FYB1: variants seen among roughly 807,000 people sequenced by gnomAD.
FYB1 encodes the protein FYN binding protein 1.
FYB1 carries 41 observed loss-of-function variants against 94.1 expected under a neutral mutation model. That is an observed-to-expected ratio of 0.44 (90% confidence interval 0.34 to 0.57). FYB1 has a LOEUF of 0.57. Ranked by LOEUF, FYB1 falls within the 20% of genes least tolerant of loss-of-function variation. FYB1 has a pLI of 0.02. For missense variants in FYB1, 1,050 were observed against 976.8 expected (o/e 1.07, Z -1.00); for synonymous variants, 367 against 353.2 (o/e 1.04, Z -0.44).
At chr5:39,143,164 A>C (rs1224199421) in intron 3 of FYB1, among the ~76,000 whole-genome samples, 1 of 152,142 alleles carries the variant, frequency 6.6e-6, no homozygotes, top group Non-Finnish European at 1.5e-5. Context: ...TCCGATTCAA[A>C]TATATACATC....
In FYB1 at chr5:39,134,794, G is replaced by A. The variant is rs1027395218; in HGVS notation, c.1675+61C>T. 67 of 1,560,282 alleles carry A rather than the reference G, an allele frequency of 4.3e-5. No homozygotes were observed. In the Middle Eastern group the frequency reaches 5.0e-4, roughly 12 times the overall value. On this transcript the variant is annotated intron_variant, in intron 8 of 18. Coordinates refer to ENST00000512982, the MANE Select transcript of FYB1 (RefSeq NM_001465.6). ...CCTATGACGAGTTCTGGAGGAATAT[G>A]TACATTGAATATTGCCTCGCAAAGA...
intron 9 of FYB1, among the ~76,000 whole-genome samples, chr5:39,133,941 T>A (rs886780513): frequency 7.2e-5 from 11 of 152,218 alleles, no homozygotes; most frequent in African/African-American, 2.7e-4. Context: ...ATGAACATTA[T>A]AAAAGTGTTT....
chr5:39,188,036 A>G (rs1361219425), intron 2 of FYB1, among the ~76,000 whole-genome samples: 1 of 152,100 alleles, frequency 6.6e-6, no homozygotes, highest in Non-Finnish European at 1.5e-5. Context: ...TGTGGGTAGA[A>G]CACGTCACCA....
intron 1 of FYB1, among the ~76,000 whole-genome samples, chr5:39,225,408 C>T (rs1340873843): frequency 6.6e-6 from 1 of 152,100 alleles, no homozygotes; most frequent in East Asian, 1.9e-4. Flanking sequence ...AAAGACTTTC[C>T]CAATCAGATA....
chr5:39,184,870 G>C (rs1374256264), intron 2 of FYB1, among the ~76,000 whole-genome samples: 1 of 151,998 alleles, frequency 6.6e-6, no homozygotes, highest in Non-Finnish European at 1.5e-5. Flanking sequence ...TTCTAACTTA[G>C]TTATACAATT....
chr5:39,190,791 TGAGA>T (rs1243631579), intron 2 of FYB1, among the ~76,000 whole-genome samples: 1 of 150,656 alleles, frequency 6.6e-6, no homozygotes, highest in African/African-American at 2.4e-5. Flanking sequence ...TGTGTGTGTG[TGAGA>T]GAGAGATGTT....
At chr5:39,131,906 G>A (rs1472845894) in intron 9 of FYB1, among the ~76,000 whole-genome samples, 1 of 152,138 alleles carries the variant, frequency 6.6e-6, no homozygotes, top group Admixed American at 6.5e-5. Context: ...GGCCTGTTTA[G>A]AACATTTGAT....
At chr5:39,140,749 T>TA (rs1324717883) in intron 4 of FYB1, among the ~76,000 whole-genome samples, 1 of 152,234 alleles carries the variant, frequency 6.6e-6, no homozygotes, top group African/African-American at 2.4e-5. Flanking sequence ...CACATGGTGA[T>TA]ATGAATGGGC....
intron 2 of FYB1, among the ~76,000 whole-genome samples, chr5:39,176,365 G>C (rs905734489): frequency 6.6e-6 from 1 of 151,750 alleles, no homozygotes; most frequent in South Asian, 2.1e-4. Context: ...GGCCAGGCTG[G>C]TCTCGAACTC....
chr5:39,157,312 G>T (rs1272607256), intron 2 of FYB1, among the ~76,000 whole-genome samples: 1 of 152,112 alleles, frequency 6.6e-6, no homozygotes, highest in East Asian at 1.9e-4. Context: ...CAGCTTTTTT[G>T]ATTTGTATTT....
At chr5:39,227,012 A>G (rs1750500788) in intron 1 of FYB1, among the ~76,000 whole-genome samples, 3 of 152,230 alleles carry the variant, frequency 2.0e-5, no homozygotes. Flanking sequence ...TTGATAGGCT[A>G]TATCTGGGTG....
chr5:39,140,579 T>A (rs150979818), intron 4 of FYB1, among the ~76,000 whole-genome samples: 3 of 152,230 alleles, frequency 2.0e-5, no homozygotes, highest in Non-Finnish European at 4.4e-5. Flanking sequence ...CACTTCAGGG[T>A]ATATATCTTA....
At chr5:39,161,588 G>GTTT (rs562344040) in intron 2 of FYB1, among the ~76,000 whole-genome samples, 1 of 143,034 alleles carries the variant, frequency 7.0e-6, no homozygotes, top group African/African-American at 2.5e-5. Context: ...GAGCAATCTG[G>GTTT]TTTTTTTTTT....
chr5:39,113,041 C>T (rs756142712), intron 16 of FYB1, among the ~76,000 whole-genome samples: 1 of 152,086 alleles, frequency 6.6e-6, no homozygotes, highest in South Asian at 2.1e-4. Flanking sequence ...ACTTTTAATA[C>T]AGCACAGGTT....
intron 3 of FYB1, among the ~76,000 whole-genome samples, chr5:39,145,873 G>T (rs1742597715): frequency 6.7e-6 from 1 of 149,940 alleles, no homozygotes; most frequent in Non-Finnish European, 1.5e-5. Flanking sequence ...TCCCTTCTCA[G>T]CATCCCCTGC....
chr5:39,185,757 A>G (rs1746722886), intron 2 of FYB1, among the ~76,000 whole-genome samples: 2 of 152,112 alleles, frequency 1.3e-5, no homozygotes, highest in South Asian at 2.1e-4. Flanking sequence ...CGAGGTAATA[A>G]AAGCCCAAAG....
intron 1 of FYB1, among the ~76,000 whole-genome samples, chr5:39,246,760 T>C (rs781178997): frequency 1.3e-5 from 2 of 152,150 alleles, no homozygotes; most frequent in African/African-American, 2.4e-5. Flanking sequence ...TAGATCCATG[T>C]AAACTGAAAG....
intron 9 of FYB1, among the ~76,000 whole-genome samples, chr5:39,132,864 T>C (rs1197984786): frequency 6.6e-6 from 1 of 152,206 alleles, no homozygotes; most frequent in Non-Finnish European, 1.5e-5. Flanking sequence ...GAAAATTCTG[T>C]AAGTTACAGA....
At chr5:39,130,510 A>G (rs1208848675) in intron 10 of FYB1, 80 bp downstream of exon 10, 1 of 1,150,398 alleles carries the variant, frequency 8.7e-7, no homozygotes, top group Non-Finnish European at 1.3e-6. Flanking sequence ...GCATGTAACA[A>G]AATAACACAT....
Sources: allele counts gnomAD v4.1 joint callset (sites outside exome capture counted in the v4.1 genomes callset), GRCh38; gene constraint gnomAD v4.1.1; transcripts MANE v1.5; gene names NCBI Gene and HGNC (gene_info 2026-07-23, HGNC 2026-07-21).